SEC14L5: variants seen among roughly 807,000 people sequenced by gnomAD.
The protein encoded by SEC14L5 is SEC14-like protein 5.
Under a neutral mutation model 84.6 loss-of-function variants are expected in SEC14L5, and 96 were observed. The ratio of observed to expected loss-of-function variants is 1.13; its 90% CI spans 0.96 to 1.34. The LOEUF (loss-of-function observed/expected upper bound fraction) is 1.34. SEC14L5 is among the 40% of genes most tolerant of loss of function. SEC14L5 has a pLI of 0.00. For synonymous variants in SEC14L5, 546 were observed against 383.4 expected, an observed-to-expected ratio of 1.42 and a Z score of -4.95; for missense variants, 1,224 against 942.5, an observed-to-expected ratio of 1.30 and a Z score of -3.91.
At chr16:4,981,694 A>G (rs1336908806) in intron 2 of SEC14L5, among the ~76,000 whole-genome samples, 1 of 152,152 alleles carries the variant, frequency 6.6e-6, no homozygotes, top group East Asian at 1.9e-4. Context: ...TGGGATTCAA[A>G]TCCAGGTTCA....
chr16:4,987,702 G>C lies in SEC14L5; in HGVS notation c.209G>C (p.Arg70Pro). 1 of 1,519,966 alleles carries C rather than the reference G, an allele frequency of 6.6e-7. No homozygotes were observed. Among genetic ancestry groups the C allele is most frequent in the Non-Finnish European group, 8.8e-7 (1 of 1,138,934 alleles). The allele number at this position is 1,519,966 out of a possible 1,614,324, so 94.2% of individuals were successfully genotyped here. A position where few individuals can be genotyped will look rare whatever the true frequency, so the allele number is the denominator to read the frequency against. ...CGCGTGGACGCCCCGCGGCTGCTGCGGAAGGTGGGCGGCCCTGGGGCTGGG... is the reference window on the plus strand; with the variant it reads ...CGCGTGGACGCCCCGCGGCTGCTGCCGAAGGTGGGCGGCCCTGGGGCTGGG... ...RLRVDAPRLL[R>P]KIAGVEHVVF... The change falls in exon 3 of 16, where the codon CGG becomes CCG. Residue 70 changes from arginine to proline, a missense_variant. Physicochemically the swap from Arg to Pro is moderately radical, Grantham distance 103. Coordinates refer to ENST00000251170, the MANE Select transcript of SEC14L5 (RefSeq NM_014692.2).
At chr16:4,962,118 C>G (rs570828842) in intron 2 of SEC14L5, among the ~76,000 whole-genome samples, 1 of 138,834 alleles carries the variant, frequency 7.2e-6, no homozygotes, top group East Asian at 2.1e-4. Context: ...CAGGACTGGA[C>G]ACACAGTCCT....
intron 2 of SEC14L5, among the ~76,000 whole-genome samples, chr16:4,983,694 T>C (rs34192962): frequency 6.6e-6 from 1 of 151,704 alleles, no homozygotes; most frequent in Non-Finnish European, 1.5e-5. Context: ...CTGACCAACA[T>C]GGTGAAACCC....
intron 5 of SEC14L5, among the ~76,000 whole-genome samples, chr16:4,991,300 T>G (rs1487239483): frequency 6.6e-6 from 1 of 151,906 alleles, no homozygotes. Flanking sequence ...TTAAACAATG[T>G]GTTATCAATA....
At chr16:5,013,809 C>T (rs1244004316) in intron 15 of SEC14L5, among the ~76,000 whole-genome samples, 1 of 152,122 alleles carries the variant, frequency 6.6e-6, no homozygotes, top group East Asian at 1.9e-4. Flanking sequence ...CCACCCACTT[C>T]GGCCTCCCAA....
intron 2 of SEC14L5, among the ~76,000 whole-genome samples, chr16:4,960,309 A>G (rs1479808020): frequency 6.6e-6 from 1 of 152,176 alleles, no homozygotes; most frequent in Non-Finnish European, 1.5e-5. Flanking sequence ...AGCTCACAAA[A>G]TATGCTGTCG....
At chr16:5,007,256 T>G in intron 12 of SEC14L5, 96 bp from the exon 13 acceptor site, 1 of 1,163,314 alleles carries the variant, frequency 8.6e-7, no homozygotes, top group Non-Finnish European at 1.2e-6. Context: ...GTTGCAATTA[T>G]GAGTGGCTTT....
intron 10 of SEC14L5, among the ~76,000 whole-genome samples, chr16:5,002,454 G>A (rs572796646): frequency 1.3e-4 from 20 of 152,112 alleles, no homozygotes; most frequent in African/African-American, 4.3e-4. Flanking sequence ...CTGCCACCAC[G>A]CCTGGCTAAT....
At chr16:5,010,855 C>T in intron 14 of SEC14L5, 1 of 494,932 alleles carries the variant, frequency 2.0e-6, no homozygotes, top group Non-Finnish European at 3.6e-6. Context: ...CACCCCCACC[C>T]CCAGGCGTCA....
intron 2 of SEC14L5, among the ~76,000 whole-genome samples, chr16:4,966,362 C>T (rs1034588751): frequency 1.3e-5 from 2 of 149,666 alleles, no homozygotes; most frequent in African/African-American, 2.5e-5. Context: ...CAACATTCAC[C>T]TCCCGGGTTC....
At chr16:4,993,444 G>C (rs1017984081) in intron 6 of SEC14L5, among the ~76,000 whole-genome samples, 1 of 152,114 alleles carries the variant, frequency 6.6e-6, no homozygotes, top group Non-Finnish European at 1.5e-5. Flanking sequence ...GTTTCACCAT[G>C]TTGACCAGGC....
rs1230055314 is a variant in SEC14L5, at chr16:5,011,157, C to G, written c.1863C>G (p.Pro621=). 1 of 1,612,896 alleles carries G rather than the reference C, an allele frequency of 6.2e-7. No homozygotes were observed. The highest frequency in any genetic ancestry group is 8.5e-7 in the Non-Finnish European group (1 of 1,179,482). The change falls in exon 15 of 16, where the codon CCC becomes CCG. Residue 621 remains proline (P), a synonymous_variant. Transcript: ENST00000251170. ...YLLQWQMHSP[P]SSVACSLPGV... ...TCCAGTGGCAAATGCACAGCCCCCC[C>G]AGCAGCGTGGCCTGCAGCCTCCCGG...
rs1032925600 is a variant in SEC14L5 at position 4,983,602 on chromosome 16, C to T, written c.64-3955C>T. Among the ~76,000 whole-genome samples the T allele has an allele frequency of 9.3e-5, 14 of 150,928 alleles. No individual in the cohort carries two copies. In the East Asian group the frequency reaches 2.5e-3, roughly 27 times the overall value. ...TAATATATGTATACATGTGGCCAGG[C>T]GCGGTGGCTCACGCTTGTAATCCCA... On this transcript the variant is annotated intron_variant, in intron 2 of 15. Coordinates refer to ENST00000251170, the MANE Select transcript of SEC14L5 (RefSeq NM_014692.2).
intron 8 of SEC14L5, among the ~76,000 whole-genome samples, chr16:4,998,296 T>C (rs998478778): frequency 1.1e-4 from 17 of 149,872 alleles, no homozygotes; most frequent in African/African-American, 3.9e-4. Flanking sequence ...AGTGAGCCAC[T>C]GCACCCAGGC....
At chr16:4,987,136 T>G (rs1955496517) in intron 2 of SEC14L5, among the ~76,000 whole-genome samples, 1 of 152,042 alleles carries the variant, frequency 6.6e-6, no homozygotes, top group South Asian at 2.1e-4. Flanking sequence ...GGATGTTAAC[T>G]GTGGCTTTTA....
At chr16:4,988,701 G>T (rs1026579275) in intron 4 of SEC14L5, among the ~76,000 whole-genome samples, 6 of 152,078 alleles carry the variant, frequency 3.9e-5, no homozygotes, top group African/African-American at 1.4e-4. Context: ...AGTATGTGGC[G>T]CCTTTAGACC....
intron 1 of SEC14L5, among the ~76,000 whole-genome samples, chr16:4,958,844 G>A (rs1170590266): frequency 6.6e-6 from 1 of 152,170 alleles, no homozygotes; most frequent in African/African-American, 2.4e-5. Flanking sequence ...ATGTCAGGGT[G>A]TCTGGGAGGA....
At chr16:4,964,398 C>T (rs1955167748) in intron 2 of SEC14L5, among the ~76,000 whole-genome samples, 1 of 152,060 alleles carries the variant, frequency 6.6e-6, no homozygotes, top group Non-Finnish European at 1.5e-5. Flanking sequence ...ACCATCCTGA[C>T]CAACATGGAG....
At chr16:4,999,048 C>T (rs1955647082) in intron 8 of SEC14L5, among the ~76,000 whole-genome samples, 1 of 152,168 alleles carries the variant, frequency 6.6e-6, no homozygotes. Flanking sequence ...AGTTCTCATA[C>T]CCTAAACGAG....
Sources: gnomAD v4.1 joint callset for allele counts (sites outside exome capture counted in the v4.1 genomes callset) on GRCh38, gnomAD v4.1.1 for gene constraint, MANE v1.5 for transcripts, NCBI Gene and HGNC (gene_info 2026-07-23, HGNC 2026-07-21) for gene names.